The following RSU1 variants were observed in gnomAD, a reference collection of about 807,000 sequenced individuals.
The protein encoded by RSU1 is Ras suppressor protein 1, also known as rsu-1.
A neutral mutation model predicts 31.1 loss-of-function variants in RSU1; 26 were observed. That is an observed-to-expected ratio of 0.84 (90% CI 0.61 to 1.16). RSU1 has a LOEUF of 1.16. Among genes scored for constraint, RSU1 ranks in the 50% most tolerant of loss-of-function variants. The pLI, the probability that RSU1 is intolerant of heterozygous loss-of-function variation, is 0.00. For synonymous variants in RSU1, 164 were observed against 136.3 expected (o/e 1.20, Z -1.41); for missense variants, 320 against 339.1 (o/e 0.94, Z 0.44).
chr10:16,634,563 C>T (rs1165681597), intron 8 of RSU1, among the ~76,000 whole-genome samples: 1 of 152,208 alleles, frequency 6.6e-6, no homozygotes, highest in Admixed American at 6.5e-5. Flanking sequence ...GTAGCAGCCT[C>T]ATCCTTTTGC....
At chr10:16,789,855 C>A (rs1448918980) in intron 2 of RSU1, among the ~76,000 whole-genome samples, 1 of 152,194 alleles carries the variant, frequency 6.6e-6, no homozygotes, top group African/African-American at 2.4e-5. Context: ...TTTGCCCGGG[C>A]ATTTTCAGAG....
At chr10:16,748,694 C>T (rs1836910545) in intron 7 of RSU1, among the ~76,000 whole-genome samples, 1 of 152,106 alleles carries the variant, frequency 6.6e-6, no homozygotes, top group Admixed American at 6.5e-5. Flanking sequence ...GTTCCAGCCA[C>T]ACTGGCCTTG....
intron 3 of RSU1, among the ~76,000 whole-genome samples, chr10:16,781,794 C>T (rs1265281061): frequency 6.6e-6 from 1 of 152,146 alleles, no homozygotes; most frequent in African/African-American, 2.4e-5. Flanking sequence ...CAAGACCAAC[C>T]TGGGTAACAC....
intron 7 of RSU1, among the ~76,000 whole-genome samples, chr10:16,738,205 G>A (rs1836673751): frequency 6.6e-6 from 1 of 152,158 alleles, no homozygotes; most frequent in Non-Finnish European, 1.5e-5. Context: ...CCAGCACTTT[G>A]GGAGGCCAAA....
intron 7 of RSU1, among the ~76,000 whole-genome samples, chr10:16,698,395 T>C (rs1564322000): frequency 6.6e-6 from 1 of 152,202 alleles, no homozygotes; most frequent in Non-Finnish European, 1.5e-5. Context: ...GTTCTACTAC[T>C]GACGGCCTGC....
At chr10:16,618,237 C>T (rs934907869) in intron 8 of RSU1, among the ~76,000 whole-genome samples, 1 of 152,174 alleles carries the variant, frequency 6.6e-6, no homozygotes, top group African/African-American at 2.4e-5. Context: ...AGCTCATCAC[C>T]ACTGGTCATT....
intron 8 of RSU1, among the ~76,000 whole-genome samples, chr10:16,612,370 C>G (rs942531792): frequency 6.6e-6 from 1 of 152,220 alleles, no homozygotes; most frequent in Admixed American, 6.5e-5. Context: ...GAATATTACA[C>G]ATGACCATGC....
intron 7 of RSU1, among the ~76,000 whole-genome samples, chr10:16,736,115 A>G (rs1174790319): frequency 1.3e-5 from 2 of 152,242 alleles, no homozygotes; most frequent in African/African-American, 4.8e-5. Flanking sequence ...AGGAGGGCAT[A>G]GCAGGAAAGG....
intron 8 of RSU1, among the ~76,000 whole-genome samples, chr10:16,659,845 G>T (rs1201769221): frequency 1.3e-5 from 2 of 152,106 alleles, no homozygotes; most frequent in African/African-American, 4.8e-5. Context: ...ACCATGATAG[G>T]TCTAACTATA....
chr10:16,617,819 T>C (rs367609023), intron 8 of RSU1, among the ~76,000 whole-genome samples: 11 of 152,280 alleles, frequency 7.2e-5, no homozygotes, highest in African/African-American at 1.7e-4. Context: ...TTACACCTTA[T>C]ACAAAAGTTA....
chr10:16,782,216 A>G, intron 2 of RSU1, 132 bp from the exon 3 acceptor site: 1 of 659,968 alleles, frequency 1.5e-6, no homozygotes. Context: ...CCAAAATAGA[A>G]GCTAGGATTC....
intron 8 of RSU1, among the ~76,000 whole-genome samples, chr10:16,618,569 A>G (rs769031572): frequency 2.6e-5 from 4 of 152,230 alleles, no homozygotes; most frequent in Non-Finnish European, 4.4e-5. Context: ...AAGACTTGGA[A>G]CCAACCCAAA....
At chr10:16,813,214 A>G (rs962494897) in intron 2 of RSU1, among the ~76,000 whole-genome samples, 5 of 152,180 alleles carry the variant, frequency 3.3e-5, no homozygotes, top group Admixed American at 2.0e-4. Context: ...TGTGTGTGCA[A>G]ATTACATGCC....
intron 8 of RSU1, among the ~76,000 whole-genome samples, chr10:16,675,515 G>A (rs1307778275): frequency 6.6e-6 from 1 of 152,130 alleles, no homozygotes; most frequent in East Asian, 1.9e-4. Context: ...AACTTCCTGA[G>A]CTTACACACT....
At chr10:16,763,789 T>A (rs1296238097) in intron 4 of RSU1, among the ~76,000 whole-genome samples, 5 of 152,198 alleles carry the variant, frequency 3.3e-5, no homozygotes, top group African/African-American at 1.2e-4. Flanking sequence ...CTCACAAATG[T>A]TGAGAGGGTC....
intron 3 of RSU1, among the ~76,000 whole-genome samples, chr10:16,765,581 A>G (rs1032040294): frequency 6.6e-6 from 1 of 152,218 alleles, no homozygotes; most frequent in Non-Finnish European, 1.5e-5. Flanking sequence ...ACAAACTGTA[A>G]ATTGGCAGCA....
chr10:16,739,906 C>T (rs865887605), intron 7 of RSU1, among the ~76,000 whole-genome samples: 7 of 152,002 alleles, frequency 4.6e-5, no homozygotes, highest in South Asian at 2.1e-4. Context: ...CCACCGTGCC[C>T]GGCCAAAATG....
chr10:16,756,709 A>G (rs1465633311), intron 4 of RSU1, among the ~76,000 whole-genome samples: 1 of 152,140 alleles, frequency 6.6e-6, no homozygotes, highest in East Asian at 1.9e-4. Context: ...AGGAATTAAG[A>G]TTTTTCGGAG....
chr10:16,719,917 A>T (rs1836220554), intron 7 of RSU1, among the ~76,000 whole-genome samples: 1 of 152,254 alleles, frequency 6.6e-6, no homozygotes, highest in Non-Finnish European at 1.5e-5. Context: ...AGAGGAGACT[A>T]GCCCACATGC....
Sources: allele counts gnomAD v4.1 joint callset (sites outside exome capture counted in the v4.1 genomes callset), GRCh38; gene constraint gnomAD v4.1.1; transcripts MANE v1.5; gene names NCBI Gene and HGNC (gene_info 2026-07-23, HGNC 2026-07-21).